TENM4: variants seen among roughly 807,000 people sequenced by gnomAD.
The protein encoded by TENM4 is teneurin transmembrane protein 4.
In TENM4, 82 loss-of-function variants were observed where a neutral mutation model predicts 243.3. That is an observed-to-expected ratio of 0.34 (90% CI 0.28 to 0.40). The LOEUF (loss-of-function observed/expected upper bound fraction) is 0.40. TENM4 is among the 10% of genes least tolerant of loss of function. TENM4 has a pLI of 1.00. For synonymous variants in TENM4, 1,412 were observed against 1,456.3 expected, an observed-to-expected ratio of 0.97 and a Z score of 0.69; for missense variants, 3,138 against 3,673.3, an observed-to-expected ratio of 0.85 and a Z score of 3.77.
intron 6 of TENM4, among the ~76,000 whole-genome samples, chr11:78,983,338 C>T (rs1429257429): frequency 6.6e-6 from 1 of 152,218 alleles, no homozygotes; most frequent in African/African-American, 2.4e-5. Context: ...CTATGTCAAA[C>T]ACTCTTAGTG....
intron 4 of TENM4, among the ~76,000 whole-genome samples, chr11:79,140,896 G>C (rs1192226412): frequency 1.3e-5 from 2 of 152,034 alleles, no homozygotes; most frequent in Non-Finnish European, 1.5e-5. Flanking sequence ...AGAGGGAGGG[G>C]ATCTGTGGAC....
chr11:79,332,995 T>C (rs1190956072), intron 1 of TENM4, among the ~76,000 whole-genome samples: 1 of 152,152 alleles, frequency 6.6e-6, no homozygotes, highest in African/African-American at 2.4e-5. Context: ...ACAGTGAATA[T>C]AGCAGGGGAA....
intron 3 of TENM4, among the ~76,000 whole-genome samples, chr11:79,180,501 C>G (rs1362331642): frequency 6.6e-6 from 1 of 151,774 alleles, no homozygotes; most frequent in Non-Finnish European, 1.5e-5. Context: ...TTTAATCTCT[C>G]TAAGCATCAG....
chr11:78,718,974 GA>G (rs1365639665), intron 25 of TENM4, among the ~76,000 whole-genome samples: 1 of 152,062 alleles, frequency 6.6e-6, no homozygotes, highest in African/African-American at 2.4e-5. Context: ...CCTTTTTGGG[GA>G]AGATGGAGAC....
chr11:79,394,532 G>A (rs1015683167), intron 1 of TENM4, among the ~76,000 whole-genome samples: 1 of 152,110 alleles, frequency 6.6e-6, no homozygotes, highest in African/African-American at 2.4e-5. Flanking sequence ...CATCACTGTC[G>A]CATGACCCAT....
At chr11:78,817,962 T>C (rs1478520359) in intron 12 of TENM4, among the ~76,000 whole-genome samples, 2 of 152,134 alleles carry the variant, frequency 1.3e-5, no homozygotes, top group African/African-American at 2.4e-5. Context: ...CTAAGTTACT[T>C]CCAGAACTCT....
At chr11:78,835,283 A>T (rs1388145134) in intron 12 of TENM4, among the ~76,000 whole-genome samples, 1 of 152,124 alleles carries the variant, frequency 6.6e-6, no homozygotes, top group African/African-American at 2.4e-5. Context: ...CGAGGTGGAC[A>T]GATCACAAGG....
chr11:79,251,466 A>G (rs1855610874), intron 2 of TENM4, among the ~76,000 whole-genome samples: 1 of 152,258 alleles, frequency 6.6e-6, no homozygotes, highest in Admixed American at 6.5e-5. Context: ...TAGGACAAGT[A>G]GGACCTCTAA....
rs191327265 is a variant in TENM4, at chr11:79,330,889, T to C, written c.-320-33346A>G. ...CAAGGGCTGGCCAGTTTCTGCTTTC[T>C]TACCAGGAGCAACAGAGACACGTGG... On this transcript the variant is annotated intron_variant, in intron 1 of 33. Transcript: ENST00000278550. Among the ~76,000 whole-genome samples the C allele has an allele frequency of 1.9e-3, 292 of 152,304 alleles. 3 individuals carry two copies. Among genetic ancestry groups the C allele is most frequent in the African/African-American group, 6.8e-3 (281 of 41,568 alleles).
chr11:79,305,839 C>T (rs1856617440), intron 1 of TENM4, among the ~76,000 whole-genome samples: 2 of 152,196 alleles, frequency 1.3e-5, no homozygotes, highest in South Asian at 2.1e-4. Context: ...GAAAGTGTCC[C>T]TAACTTCATT....
intron 6 of TENM4, among the ~76,000 whole-genome samples, chr11:78,920,929 C>T (rs562239695): frequency 5.9e-5 from 9 of 152,254 alleles, no homozygotes; most frequent in East Asian, 1.9e-4. Flanking sequence ...TCCTGTGTGC[C>T]GGGCTCTGTG....
At chr11:78,986,084 T>C (rs79121401) in intron 6 of TENM4, among the ~76,000 whole-genome samples, 3,790 of 152,312 alleles carry the variant, frequency 0.025, 72 homozygotes, top group African/African-American at 0.05. Context: ...TCCCTTTTTT[T>C]CTACTGGGCT....
At chr11:79,404,857 A>G (rs575577149) in intron 1 of TENM4, among the ~76,000 whole-genome samples, 1 of 151,074 alleles carries the variant, frequency 6.6e-6, no homozygotes, top group African/African-American at 2.4e-5. Context: ...TTATGGTACA[A>G]TAGAAGACAG....
chr11:78,895,113 G>A (rs576093835), intron 7 of TENM4, among the ~76,000 whole-genome samples: 1 of 151,696 alleles, frequency 6.6e-6, no homozygotes, highest in Admixed American at 6.6e-5. Flanking sequence ...GGAGGCCAAG[G>A]CAGGTGGATC....
At chr11:79,067,117 T>C (rs1456191619) in intron 5 of TENM4, among the ~76,000 whole-genome samples, 2 of 152,184 alleles carry the variant, frequency 1.3e-5, no homozygotes, top group African/African-American at 2.4e-5. Flanking sequence ...AAAGGGTTAA[T>C]GTCCGCGGAC....
At chr11:78,953,353 G>T (rs1439617235) in intron 6 of TENM4, among the ~76,000 whole-genome samples, 1 of 152,110 alleles carries the variant, frequency 6.6e-6, no homozygotes, top group Non-Finnish European at 1.5e-5. Context: ...TTAATTGCTG[G>T]GGCTCTTCCA....
At chr11:79,253,949 G>T (rs766517483) in intron 2 of TENM4, among the ~76,000 whole-genome samples, 20 of 152,158 alleles carry the variant, frequency 1.3e-4, no homozygotes, top group Non-Finnish European at 4.4e-5. Context: ...CACACTGATA[G>T]TTAAAGAAAT....
At chr11:79,018,486 C>T (rs1858838161) in intron 6 of TENM4, among the ~76,000 whole-genome samples, 1 of 152,042 alleles carries the variant, frequency 6.6e-6, no homozygotes, top group African/African-American at 2.4e-5. Context: ...ACACACATCC[C>T]TACCCCACAT....
chr11:78,982,480 G>T (rs918765684), intron 6 of TENM4, among the ~76,000 whole-genome samples: 3 of 152,204 alleles, frequency 2.0e-5, no homozygotes, highest in East Asian at 1.9e-4. Flanking sequence ...CACCCTGGGC[G>T]CAAGTCTCAG....
Sources: gnomAD v4.1 joint callset for allele counts (sites outside exome capture counted in the v4.1 genomes callset) on GRCh38, gnomAD v4.1.1 for gene constraint, MANE v1.5 for transcripts, NCBI Gene and HGNC (gene_info 2026-07-23, HGNC 2026-07-21) for gene names.